TMEM117: variants seen among roughly 807,000 people sequenced by gnomAD.
TMEM117 encodes transmembrane protein 117.
In TMEM117, 27 loss-of-function variants were observed where a neutral mutation model predicts 52.4. The observed-to-expected ratio is 0.51, with a 90% confidence interval of 0.38 to 0.71. TMEM117 has a LOEUF of 0.71. TMEM117 is among the 30% of genes least tolerant of loss of function. The pLI is 0.00. For missense variants in TMEM117, 556 were observed against 630.5 expected (o/e 0.88, Z 1.26); for synonymous variants, 215 against 206.3 (o/e 1.04, Z -0.36).
At chr12:43,908,455 C>T (rs571394742) in intron 2 of TMEM117, among the ~76,000 whole-genome samples, 9 of 142,522 alleles carry the variant, frequency 6.3e-5, no homozygotes, top group African/African-American at 2.2e-4. Flanking sequence ...GCAAAATCAC[C>T]AGCTAACATC....
At chr12:44,160,985 T>A (rs1166529063) in intron 4 of TMEM117, among the ~76,000 whole-genome samples, 3 of 152,304 alleles carry the variant, frequency 2.0e-5, no homozygotes, top group Admixed American at 6.5e-5. Context: ...ATATTATGAT[T>A]ATTTCTATTT....
chr12:44,332,197 T>G (rs915120108), intron 6 of TMEM117, among the ~76,000 whole-genome samples: 5 of 152,082 alleles, frequency 3.3e-5, no homozygotes, highest in African/African-American at 1.2e-4. Flanking sequence ...TTCCCATATC[T>G]ATAAAATGGG....
chr12:43,815,568 A>G, the TMEM117 span, among the ~76,000 whole-genome samples: 2 of 152,254 alleles, frequency 1.3e-5, no homozygotes, highest in African/African-American at 4.8e-5. Flanking sequence ...CAGCAACAGC[A>G]GATCATGAAG....
chr12:44,211,404 C>CT lies in TMEM117; in HGVS notation c.608+19dup, dbSNP rs1949643545. On this transcript the variant is annotated intron_variant, in intron 5 of 7. Transcript: ENST00000266534. The stretch of plus-strand genomic sequence containing the variant: ...TTTATTCTGGTAGGAAATTGTTTCA[C>CT]TTATTTATTTCTGCCTTGCCTCATT... 6.4e-7 allele frequency: 1 copy of CT among 1,559,702 alleles called. No individual in the cohort carries two copies. Among genetic ancestry groups the CT allele is most frequent in the South Asian group, 1.1e-5 (1 of 87,496 alleles).
At chr12:43,998,646 A>G (rs1416849508) in intron 3 of TMEM117, among the ~76,000 whole-genome samples, 2 of 152,212 alleles carry the variant, frequency 1.3e-5, no homozygotes, top group African/African-American at 4.8e-5. Flanking sequence ...AATTATTTTC[A>G]TGATTTTGAG....
intron 2 of TMEM117, among the ~76,000 whole-genome samples, chr12:43,855,419 C>CAA (rs923917256): frequency 1.1e-4 from 16 of 151,888 alleles, no homozygotes; most frequent in Non-Finnish European, 1.5e-5. Flanking sequence ...CTTTGCTTAC[C>CAA]CCAAGATAGC....
chr12:44,286,525 C>T lies in TMEM117; in HGVS notation c.609-13055C>T, dbSNP rs377751682. On this transcript the variant is annotated intron_variant, in intron 5 of 7. Coordinates refer to ENST00000266534, the MANE Select transcript of TMEM117 (RefSeq NM_032256.3). ...TTTGTGGATTGTCTAAACCTAATAC[C>T]ACTTCCTCTCTCTTTTGATTTAATG... Among the ~76,000 whole-genome samples, 30 of 152,130 alleles carry T rather than the reference C, an allele frequency of 2.0e-4. No individual in the cohort carries two copies. The South Asian group carries it at 6.0e-3, about 31-fold the overall frequency.
At chr12:43,877,361 C>T (rs373867338) in intron 2 of TMEM117, among the ~76,000 whole-genome samples, 3 of 151,954 alleles carry the variant, frequency 2.0e-5, no homozygotes, top group South Asian at 4.2e-4. Context: ...TGACTGGGTG[C>T]GGTGGCTCAC....
At chr12:44,055,154 T>C (rs1947034449) in intron 3 of TMEM117, among the ~76,000 whole-genome samples, 1 of 151,814 alleles carries the variant, frequency 6.6e-6, no homozygotes, top group African/African-American at 2.4e-5. Context: ...TGATGCAAAC[T>C]CTATTTTATT....
At chr12:44,013,867 C>T (rs947033711) in intron 3 of TMEM117, among the ~76,000 whole-genome samples, 10 of 152,216 alleles carry the variant, frequency 6.6e-5, no homozygotes, top group Admixed American at 6.5e-4. Context: ...ACTTCACTGA[C>T]AGATCTAAGA....
intron 2 of TMEM117, among the ~76,000 whole-genome samples, chr12:43,914,383 C>A (rs925341962): frequency 1.3e-5 from 2 of 152,278 alleles, no homozygotes; most frequent in Non-Finnish European, 2.9e-5. Context: ...AGATTGTGAT[C>A]ACATTTTGTT....
At chr12:43,866,916 C>T (rs1458710001) in intron 2 of TMEM117, among the ~76,000 whole-genome samples, 2 of 152,120 alleles carry the variant, frequency 1.3e-5, no homozygotes, top group African/African-American at 2.4e-5. Context: ...CATGGAGAAA[C>T]ACCGTCTCTA....
intron 3 of TMEM117, among the ~76,000 whole-genome samples, chr12:44,045,891 C>T (rs1946874336): frequency 6.6e-6 from 1 of 152,014 alleles, no homozygotes; most frequent in African/African-American, 2.4e-5. Context: ...TACCATGTTC[C>T]CCATCATCCT....
chr12:43,943,950 T>G (rs531002880), intron 2 of TMEM117, among the ~76,000 whole-genome samples: 2 of 152,360 alleles, frequency 1.3e-5, no homozygotes, highest in South Asian at 4.1e-4. Context: ...TGATGAACTA[T>G]CTCTGAACAC....
intron 3 of TMEM117, among the ~76,000 whole-genome samples, chr12:43,946,001 C>G (rs1945125674): frequency 6.6e-6 from 1 of 152,168 alleles, no homozygotes; most frequent in African/African-American, 2.4e-5. Flanking sequence ...TTTATACTAA[C>G]AAGTGATAAA....
intron 5 of TMEM117, among the ~76,000 whole-genome samples, chr12:44,275,372 T>C (rs1227455002): frequency 1.3e-5 from 2 of 152,152 alleles, no homozygotes; most frequent in South Asian, 2.1e-4. Context: ...GCAACTGTTA[T>C]GGAGAACAGT....
chr12:43,960,641 G>C (rs894510306), intron 3 of TMEM117, among the ~76,000 whole-genome samples: 1 of 152,026 alleles, frequency 6.6e-6, no homozygotes, highest in Non-Finnish European at 1.5e-5. Context: ...TTCTGTGATC[G>C]TTATTCATGG....
intron 5 of TMEM117, among the ~76,000 whole-genome samples, chr12:44,268,349 G>A (rs1339544762): frequency 3.3e-5 from 5 of 151,646 alleles, no homozygotes; most frequent in South Asian, 2.1e-4. Context: ...TCACCATGTT[G>A]CCCAGGCTGG....
chr12:44,262,325 G>T (rs1162355511), intron 5 of TMEM117, among the ~76,000 whole-genome samples: 1 of 152,050 alleles, frequency 6.6e-6, no homozygotes, highest in African/African-American at 2.4e-5. Flanking sequence ...TATAAATATA[G>T]CAAGAAAACT....
Sources: allele counts gnomAD v4.1 joint callset (sites outside exome capture counted in the v4.1 genomes callset), GRCh38; gene constraint gnomAD v4.1.1; transcripts MANE v1.5; gene names NCBI Gene and HGNC (gene_info 2026-07-23, HGNC 2026-07-21).